TUSC3: variants seen among roughly 807,000 people sequenced by gnomAD.
The protein encoded by TUSC3 is dolichyl-diphosphooligosaccharide--protein glycosyltransferase subunit TUSC3.
In TUSC3, 45 loss-of-function variants were observed where a neutral mutation model predicts 44.8. That is an observed-to-expected ratio of 1.00 (90% CI 0.79 to 1.29). TUSC3 has a LOEUF of 1.29. Ranked by LOEUF, TUSC3 falls within the 50% of genes most tolerant of loss-of-function variation. The pLI, the probability that TUSC3 is intolerant of heterozygous loss-of-function variation, is 0.00. For synonymous variants in TUSC3, 212 were observed against 152.9 expected, an observed-to-expected ratio of 1.39 and a Z score of -2.85; for missense variants, 519 against 437.9, an observed-to-expected ratio of 1.19 and a Z score of -1.65.
chr8:15,590,546 G>C (rs966532786), intron 1 of TUSC3, among the ~76,000 whole-genome samples: 16 of 151,974 alleles, frequency 1.1e-4, no homozygotes, highest in Non-Finnish European at 2.2e-4. Flanking sequence ...ACTATTTTTA[G>C]AGGTTCTAGA....
intron 1 of TUSC3, among the ~76,000 whole-genome samples, chr8:15,576,280 T>C (rs1347472653): frequency 1.8e-4 from 19 of 104,030 alleles, no homozygotes; most frequent in Non-Finnish European, 3.6e-4. Context: ...GGTCCTCTTG[T>C]TTTTTTTTTT....
chr8:15,468,231 C>A (rs972143529), intron 1 of TUSC3, among the ~76,000 whole-genome samples: 2 of 152,104 alleles, frequency 1.3e-5, no homozygotes, highest in African/African-American at 4.8e-5. Flanking sequence ...AGGACAGATG[C>A]CCTGGTGGAA....
chr8:15,816,410 G>C, the TUSC3 span, among the ~76,000 whole-genome samples: 1 of 152,028 alleles, frequency 6.6e-6, no homozygotes, highest in Non-Finnish European at 1.5e-5. Flanking sequence ...CCCAATTTAG[G>C]CCATTTATTA....
At chr8:15,685,861 T>G (rs953678832) in intron 6 of TUSC3, among the ~76,000 whole-genome samples, 2 of 98,614 alleles carry the variant, frequency 2.0e-5, no homozygotes, top group Non-Finnish European at 2.9e-5. Context: ...TTCTTAGGTT[T>G]TTTTTTTTTT....
At chr8:15,496,535 G>A (rs552101927) in intron 2 of TUSC3, among the ~76,000 whole-genome samples, 3 of 152,222 alleles carry the variant, frequency 2.0e-5, no homozygotes, top group Admixed American at 1.3e-4. Context: ...GATACATGCC[G>A]ACAAGGTCTT....
At chr8:15,569,034 A>G (rs1802773442) in intron 1 of TUSC3, among the ~76,000 whole-genome samples, 1 of 152,166 alleles carries the variant, frequency 6.6e-6, no homozygotes, top group Non-Finnish European at 1.5e-5. Flanking sequence ...TAGTTTTGCT[A>G]AGTCATTATT....
At chr8:15,469,760 G>A (rs1800460507) in intron 1 of TUSC3, among the ~76,000 whole-genome samples, 1 of 152,166 alleles carries the variant, frequency 6.6e-6, no homozygotes, top group African/African-American at 2.4e-5. Flanking sequence ...TCCTTCAGTG[G>A]ATGAATGGAT....
At chr8:15,422,648 G>C (rs947681814) in intron 1 of TUSC3, among the ~76,000 whole-genome samples, 1 of 151,948 alleles carries the variant, frequency 6.6e-6, no homozygotes, top group Non-Finnish European at 1.5e-5. Flanking sequence ...TTGGTTGATT[G>C]GTTGGTTGGT....
rs182277619 is a variant in TUSC3, at chr8:15,503,969, G to C, written n.189+20486G>C. Among the ~76,000 whole-genome samples the C allele has an allele frequency of 1.6e-4, 24 of 145,862 alleles. 1 individual carries two copies. Among genetic ancestry groups the C allele is most frequent in the Admixed American group, 8.4e-4 (12 of 14,356 alleles). ...GGTGGAGTTGCAGCAAGCGGAGATC[G>C]CACCACTGCTCTCCAGCCTGGGCAA... On this transcript the variant is annotated intron_variant and non_coding_transcript_variant, in intron 2 of 5. Transcript: ENST00000503191.
At chr8:15,473,915 C>T (rs1480081158) in intron 1 of TUSC3, among the ~76,000 whole-genome samples, 1 of 152,162 alleles carries the variant, frequency 6.6e-6, no homozygotes. Flanking sequence ...TCAAATTTAC[C>T]AGGGCGAGGT....
At chr8:15,676,773 A>T (rs1395863995) in intron 6 of TUSC3, among the ~76,000 whole-genome samples, 1 of 152,218 alleles carries the variant, frequency 6.6e-6, no homozygotes, top group Non-Finnish European at 1.5e-5. Flanking sequence ...CAGAGTATTG[A>T]AAGTGAGAAG....
chr8:15,687,557 T>G (rs1808690678), intron 6 of TUSC3, among the ~76,000 whole-genome samples: 1 of 152,226 alleles, frequency 6.6e-6, no homozygotes, highest in Non-Finnish European at 1.5e-5. Flanking sequence ...CACCTGGTTT[T>G]AATTTTTAGT....
intron 3 of TUSC3, among the ~76,000 whole-genome samples, chr8:15,653,045 A>G (rs988596797): frequency 3.9e-5 from 6 of 152,314 alleles, no homozygotes; most frequent in Admixed American, 2.6e-4. Context: ...CTTTCTTGGT[A>G]TGTCTTTTTA....
At chr8:15,629,924 C>G (rs1428784784) in intron 2 of TUSC3, among the ~76,000 whole-genome samples, 1 of 152,010 alleles carries the variant, frequency 6.6e-6, no homozygotes, top group Non-Finnish European at 1.5e-5. Context: ...TCACCTCCCT[C>G]AGTGCTAACA....
chr8:15,426,552 C>T (rs547198458), intron 1 of TUSC3, among the ~76,000 whole-genome samples: 3 of 152,346 alleles, frequency 2.0e-5, no homozygotes, highest in Admixed American at 2.0e-4. Context: ...CAGGTTCATA[C>T]ACCTTGTCAC....
chr8:15,786,889 A>G, the TUSC3 span, among the ~76,000 whole-genome samples: 1 of 140,438 alleles, frequency 7.1e-6, no homozygotes, highest in African/African-American at 2.7e-5. Flanking sequence ...GGTTGCAGTG[A>G]GCCGAGATCG....
chr8:15,627,500 C>A (rs1353596847), intron 2 of TUSC3, among the ~76,000 whole-genome samples: 1 of 152,226 alleles, frequency 6.6e-6, no homozygotes, highest in Non-Finnish European at 1.5e-5. Context: ...AGCTGTAATA[C>A]AAAGAGGGCT....
At chr8:15,426,422 G>A (rs1323816282) in intron 1 of TUSC3, among the ~76,000 whole-genome samples, 12 of 151,942 alleles carry the variant, frequency 7.9e-5, no homozygotes, top group African/African-American at 1.2e-4. Flanking sequence ...TCCCATTATT[G>A]TATTCTTTAT....
chr8:15,637,538 C>T (rs1478219348), intron 2 of TUSC3, among the ~76,000 whole-genome samples: 1 of 151,936 alleles, frequency 6.6e-6, no homozygotes, highest in Non-Finnish European at 1.5e-5. Flanking sequence ...TTTCAGTTTT[C>T]TCTTCATGAT....
Sources: gnomAD v4.1 joint callset for allele counts (sites outside exome capture counted in the v4.1 genomes callset) on GRCh38, gnomAD v4.1.1 for gene constraint, MANE v1.5 for transcripts, NCBI Gene and HGNC (gene_info 2026-07-23, HGNC 2026-07-21) for gene names.